Variants in PLXNA4 observed in about 807,000 individuals in gnomAD.
The protein encoded by PLXNA4 is plexin-A4.
A neutral mutation model predicts 191.8 loss-of-function variants in PLXNA4; 44 were observed. The observed-to-expected ratio is 0.23, with a 90% CI of 0.18 to 0.29. The LOEUF (loss-of-function observed/expected upper bound fraction) is 0.29, where lower values mean the gene tolerates loss of function less well. Among genes scored for constraint, PLXNA4 ranks in the 10% least tolerant of loss-of-function variants. The pLI is 1.00. For synonymous variants in PLXNA4, 1,082 were observed against 1,009.5 expected, an observed-to-expected ratio of 1.07 and a Z score of -1.36; for missense variants, 1,800 against 2,488.8, an observed-to-expected ratio of 0.72 and a Z score of 5.89.
chr7:132,194,784 A>G (rs1026883119), intron 13 of PLXNA4, among the ~76,000 whole-genome samples: 1 of 152,158 alleles, frequency 6.6e-6, no homozygotes, highest in African/African-American at 2.4e-5. Context: ...ATTTGTTTAT[A>G]CCCTTTGAAA....
At chr7:132,274,408 A>G (rs1177937077) in intron 4 of PLXNA4, among the ~76,000 whole-genome samples, 2 of 152,194 alleles carry the variant, frequency 1.3e-5, no homozygotes, top group African/African-American at 4.8e-5. Flanking sequence ...TTAAGAGCAT[A>G]TATAACCATG....
intron 2 of PLXNA4, among the ~76,000 whole-genome samples, chr7:132,608,695 C>T (rs990560628): frequency 9.2e-5 from 14 of 152,214 alleles, no homozygotes; most frequent in Non-Finnish European, 1.5e-4. Flanking sequence ...CCCCCACCCC[C>T]GCACTCCTGC....
At chr7:132,390,257 A>G (rs1403734820) in intron 3 of PLXNA4, among the ~76,000 whole-genome samples, 3 of 152,144 alleles carry the variant, frequency 2.0e-5, no homozygotes, top group Non-Finnish European at 4.4e-5. Context: ...ATGAGTTCCT[A>G]TCCATTGCAG....
chr7:132,588,687 G>GAGA (rs1802549369), intron 2 of PLXNA4, among the ~76,000 whole-genome samples: 1 of 80,018 alleles, frequency 1.2e-5, no homozygotes, highest in African/African-American at 4.2e-5. Flanking sequence ...AAGGGAGGAG[G>GAGA]GAGGGAGGGA....
intron 3 of PLXNA4, among the ~76,000 whole-genome samples, chr7:132,484,401 C>T (rs1043997630): frequency 1.3e-5 from 2 of 152,202 alleles, no homozygotes; most frequent in Non-Finnish European, 2.9e-5. Context: ...GCCTGGAGCC[C>T]TTCAACCTCA....
intron 3 of PLXNA4, among the ~76,000 whole-genome samples, chr7:132,333,692 C>A (rs1372839668): frequency 1.3e-5 from 2 of 152,306 alleles, no homozygotes; most frequent in African/African-American, 4.8e-5. Context: ...AGGCTTGGGG[C>A]ACCCCAAGAG....
intron 1 of PLXNA4, among the ~76,000 whole-genome samples, chr7:132,552,740 G>A (rs760685146): frequency 1.3e-4 from 20 of 152,210 alleles, no homozygotes; most frequent in Admixed American, 7.2e-4. Flanking sequence ...CTGGACAGAA[G>A]AAAAGTGGAC....
intron 2 of PLXNA4, among the ~76,000 whole-genome samples, chr7:132,502,350 G>A (rs937233750): frequency 8.5e-5 from 13 of 152,210 alleles, no homozygotes; most frequent in Non-Finnish European, 4.4e-5. Flanking sequence ...GCAGGAAGGG[G>A]AGCTTTGGGT....
At chr7:132,235,637 G>A (rs1000348716) in intron 5 of PLXNA4, among the ~76,000 whole-genome samples, 7 of 152,192 alleles carry the variant, frequency 4.6e-5, no homozygotes, top group East Asian at 1.9e-4. Flanking sequence ...CCTCCCAGGA[G>A]TGATGCTGAT....
At chr7:132,181,996 T>C in intron 17 of PLXNA4, 101 bp downstream of exon 17, 1 of 1,571,242 alleles carries the variant, frequency 6.4e-7, no homozygotes, top group Non-Finnish European at 8.7e-7. Context: ...TATCAGTGTA[T>C]GGGCAGGGAG....
intron 3 of PLXNA4, among the ~76,000 whole-genome samples, chr7:132,321,220 GGGTT>G (rs1392862828): frequency 1.3e-5 from 2 of 152,128 alleles, no homozygotes; most frequent in Non-Finnish European, 1.5e-5. Flanking sequence ...AGCTTGGCAG[GGGTT>G]GGTTAAGTTA....
chr7:132,152,680 G>A (rs777203231), intron 25 of PLXNA4, among the ~76,000 whole-genome samples: 7 of 152,224 alleles, frequency 4.6e-5, no homozygotes, highest in South Asian at 4.1e-4. Flanking sequence ...GCATCCTCCC[G>A]TGAAGGCTGA....
At chr7:132,277,373 C>T (rs1458272297) in intron 4 of PLXNA4, among the ~76,000 whole-genome samples, 2 of 152,180 alleles carry the variant, frequency 1.3e-5, no homozygotes, top group Admixed American at 6.5e-5. Flanking sequence ...GGTAGCTGCA[C>T]AGTACCAACC....
intron 3 of PLXNA4, among the ~76,000 whole-genome samples, chr7:132,341,680 T>C (rs1463795185): frequency 3.3e-5 from 5 of 152,192 alleles, no homozygotes; most frequent in African/African-American, 1.2e-4. Context: ...CCTGGGCTGG[T>C]CCTCACATTC....
intron 3 of PLXNA4, among the ~76,000 whole-genome samples, chr7:132,432,273 C>T (rs1030116157): frequency 2.6e-5 from 4 of 152,116 alleles, no homozygotes; most frequent in South Asian, 2.1e-4. Flanking sequence ...CTTCGAATCC[C>T]GTTTATGAGT....
rs956927104 is a variant in PLXNA4, at chr7:132,201,672, G to A, written c.2586+974C>T. ...GATGCCATGGTGCCACAGATGACAT[G>A]GTGCCATGGGGGAGGAGCATGTGGA... On this transcript the variant is annotated intron_variant, in intron 12 of 31. Transcript: ENST00000321063. 8.5e-5 allele frequency among the ~76,000 whole-genome samples: 13 copies of A among 152,306 alleles called. 1 individual carries two copies. Among genetic ancestry groups the A allele is most frequent in the African/African-American group, 2.6e-4 (11 of 41,576 alleles).
intron 21 of PLXNA4, among the ~76,000 whole-genome samples, chr7:132,171,688 T>C (rs1796291304): frequency 6.6e-6 from 1 of 152,096 alleles, no homozygotes. Flanking sequence ...TCTGGGGCCC[T>C]GGGAAGGAAG....
chr7:132,562,520 T>TTCCTCCTCCTTCTCCTCTTTC (rs1563174287), intron 1 of PLXNA4, among the ~76,000 whole-genome samples: 1 of 54,098 alleles, frequency 1.8e-5, no homozygotes, highest in Non-Finnish European at 3.6e-5. Context: ...TCTCCTCCTC[T>TTCCTCCTCCTTCTCCTCTTTC]TCCTCCTCCT....
chr7:132,139,200 AGGAGAGGGTATCAAAGAGCAGAGG>A (rs1449228862), intron 30 of PLXNA4, among the ~76,000 whole-genome samples: 8 of 152,164 alleles, frequency 5.3e-5, no homozygotes, highest in Non-Finnish European at 7.3e-5. Flanking sequence ...GTAGGAAAGG[AGGAGAGGGTATCAAAGAGCAGAGG>A]GGAGAGGGAA....
Sources: allele counts gnomAD v4.1 joint callset (sites outside exome capture counted in the v4.1 genomes callset), GRCh38; gene constraint gnomAD v4.1.1; transcripts MANE v1.5; gene names NCBI Gene and HGNC (gene_info 2026-07-23, HGNC 2026-07-21).